Variants in KCNA3 observed in about 807,000 individuals in gnomAD.
KCNA3 encodes the protein potassium voltage-gated channel subfamily A member 3, also known as RP11-284N8.3.
In KCNA3, 18 loss-of-function variants were observed where a neutral mutation model predicts 34.3. The ratio of observed to expected loss-of-function variants is 0.52; its 90% confidence interval spans 0.36 to 0.78. KCNA3 has a LOEUF of 0.78. Ranked by LOEUF, KCNA3 falls within the 30% of genes least tolerant of loss-of-function variation. KCNA3 has a pLI of 0.00. For synonymous variants in KCNA3, 324 were observed against 351.7 expected (o/e 0.92, Z 0.88); for missense variants, 587 against 802.5 (o/e 0.73, Z 3.24).
the KCNA3 span, among the ~76,000 whole-genome samples, chr1:110,666,078 AG>A: frequency 1.3e-5 from 2 of 152,216 alleles, no homozygotes; most frequent in Non-Finnish European, 2.9e-5. Flanking sequence ...AGCTATGTCA[AG>A]ATAACATACT....
downstream of KCNA3, chr1:110,672,436 G>T (rs1195994558): frequency 6.6e-6 from 1 of 152,262 alleles, no homozygotes; most frequent in Non-Finnish European, 1.5e-5. Context: ...AAGCCCGAAA[G>T]AATTAAACTA....
At chr1:110,665,087 G>T in the KCNA3 span, among the ~76,000 whole-genome samples, 3 of 152,246 alleles carry the variant, frequency 2.0e-5, no homozygotes, top group African/African-American at 7.2e-5. Context: ...GGCCTTGCAG[G>T]CCATTGTAAA....
At chr1:110,665,514 A>T in the KCNA3 span, among the ~76,000 whole-genome samples, 1 of 151,944 alleles carries the variant, frequency 6.6e-6, no homozygotes, top group Non-Finnish European at 1.5e-5. Context: ...GAGAGGGGAG[A>T]AGGACGGAAG....
At chr1:110,657,714 C>T in the KCNA3 span, among the ~76,000 whole-genome samples, 1 of 152,122 alleles carries the variant, frequency 6.6e-6, no homozygotes, top group Non-Finnish European at 1.5e-5. Flanking sequence ...TTGTTTCATT[C>T]GTGTTTTATA....
chr1:110,664,285 A>G, the KCNA3 span, among the ~76,000 whole-genome samples: 1 of 152,212 alleles, frequency 6.6e-6, no homozygotes, highest in African/African-American at 2.4e-5. Flanking sequence ...ATGAAAAAAC[A>G]TGGTCTTTGT....
chr1:110,668,494 T>C (rs1651767447), downstream of KCNA3, among the ~76,000 whole-genome samples: 1 of 152,138 alleles, frequency 6.6e-6, no homozygotes, highest in Non-Finnish European at 1.5e-5. Context: ...GCCAAAAAGG[T>C]AAATAACAAG....
chr1:110,674,843 G>T lies in KCNA3; in HGVS notation c.-34C>A. On this transcript the variant is annotated 5_prime_UTR_variant, in exon 1 of 1. Transcript: ENST00000369769. The surrounding 1 kb of genome is among the most constrained non-coding windows in gnomAD (Gnocchi z 6.4). ...GAAGAGGCGGCAGCGGTGAGGCCAGGTCGCTCCTCCTCGCGCTCCCCGCCC... is the reference window on the plus strand; with the variant it reads ...GAAGAGGCGGCAGCGGTGAGGCCAGTTCGCTCCTCCTCGCGCTCCCCGCCC... 12 of 1,289,008 alleles carry T rather than the reference G, an allele frequency of 9.3e-6. No individual in the cohort carries two copies. Among genetic ancestry groups the T allele is most frequent in the Non-Finnish European group, 1.2e-5 (12 of 1,022,026 alleles). 79.8% of individuals were successfully genotyped at this position (1,289,008 alleles called of 1,614,324 possible).
chr1:110,673,996 C>A lies in KCNA3; in HGVS notation c.814G>T (p.Asp272Tyr). 1 of 1,613,468 alleles carries A rather than the reference C, an allele frequency of 6.2e-7. No individual in the cohort carries two copies. Among genetic ancestry groups the A allele is most frequent in the African/African-American group, 1.3e-5 (1 of 75,020 alleles). ...EKDYPASTSQ[D>Y]SFEAAGNSTS... is the part of the protein sequence containing the mutation. Reference sequence around the variant, plus strand: ...CTGTTGCCGGCTGCTTCGAATGAGTCCTGCGACGTCGAGGCGGGGTAGTCC... The same window carrying A: ...CTGTTGCCGGCTGCTTCGAATGAGTACTGCGACGTCGAGGCGGGGTAGTCC... The change falls in exon 1 of 1, where the codon GAC becomes TAC. Residue 272 changes from aspartate to tyrosine, a missense_variant. By Grantham distance (160) the Asp-to-Tyr change is radical. This residue lies in a region of KCNA3 where 50 missense variants were observed against 45.3 expected (regional missense o/e 1.10). Coordinates refer to ENST00000369769, the MANE Select transcript of KCNA3 (RefSeq NM_002232.5). The surrounding 1 kb of genome is among the most constrained non-coding windows in gnomAD (Gnocchi z 8.8).
In KCNA3 at chr1:110,674,885, C is replaced by CCCGAG; in HGVS notation, c.-81_-77dup. On this transcript the variant is annotated 5_prime_UTR_variant, in exon 1 of 1. Coordinates refer to ENST00000369769, the MANE Select transcript of KCNA3 (RefSeq NM_002232.5). This position sits in a 1 kb window ranked among gnomAD's most constrained non-coding sequence, Gnocchi z 6.4. Reference sequence around the variant, plus strand: ...TCCCCGCCCTTTCGCCGCCTCCGCCCCCGAGCCGAGCCCACCGCCTGTTGC... The same window carrying CCCGAG: ...TCCCCGCCCTTTCGCCGCCTCCGCCCCCGAGCCGAGCCGAGCCCACCGCCTGTTGC... The CCCGAG allele has an allele frequency of 1.6e-6, 2 of 1,270,686 alleles. No individual in the cohort carries two copies. Among genetic ancestry groups the CCCGAG allele is most frequent in the Admixed American group, 4.2e-5 (1 of 23,604 alleles). 78.7% of individuals were successfully genotyped at this position (1,270,686 alleles called of 1,614,324 possible). A position where few individuals can be genotyped will look rare whatever the true frequency, so the allele number is the denominator to read the frequency against.
At chr1:110,661,570 C>T in the KCNA3 span, among the ~76,000 whole-genome samples, 2 of 152,166 alleles carry the variant, frequency 1.3e-5, no homozygotes, top group African/African-American at 4.8e-5. Flanking sequence ...AGGTTCTGCT[C>T]AATGCTACTG....
At chr1:110,656,170 G>A in the KCNA3 span, 1 of 152,120 alleles carries the variant, frequency 6.6e-6, no homozygotes, top group Non-Finnish European at 1.5e-5. Context: ...ACTTGCTTCT[G>A]ATTTGTTACA....
At chr1:110,659,558 G>T in the KCNA3 span, among the ~76,000 whole-genome samples, 1 of 152,172 alleles carries the variant, frequency 6.6e-6, no homozygotes, top group African/African-American at 2.4e-5. Flanking sequence ...CAGCTCTACA[G>T]TTCTTTATAT....
the KCNA3 span, among the ~76,000 whole-genome samples, chr1:110,657,335 C>T: frequency 6.6e-6 from 1 of 152,174 alleles, no homozygotes; most frequent in Non-Finnish European, 1.5e-5. Flanking sequence ...GCATGAGCCA[C>T]CGCACCCGGC....
Position 110,672,474 on chromosome 1 carries a change from T to C in KCNA3, c.*608A>G, listed in dbSNP as rs1392648593. The C allele has an allele frequency of 6.6e-6, 1 of 151,132 alleles. No individual in the cohort carries two copies. The highest frequency in any genetic ancestry group is 2.0e-4 in the East Asian group (1 of 5,090). 9.4% of individuals were successfully genotyped at this position (151,132 alleles called of 1,614,324 possible). Reference sequence around the variant, plus strand: ...TAGTCAGATCAGGACATCTTGGGCATTTCCCTTTATTCAAAGTTGTAGAGA... The same window carrying C: ...TAGTCAGATCAGGACATCTTGGGCACTTCCCTTTATTCAAAGTTGTAGAGA... On this transcript the variant is annotated 3_prime_UTR_variant, in exon 1 of 1. Coordinates refer to ENST00000369769, the MANE Select transcript of KCNA3 (RefSeq NM_002232.5).
the KCNA3 span, among the ~76,000 whole-genome samples, chr1:110,662,426 C>T: frequency 0.67 from 101,797 of 151,970 alleles, 34,238 homozygotes; most frequent in African/African-American, 0.73. Context: ...CATCAACTTA[C>T]ATTTGATGAG....
At chr1:110,665,615 G>A in the KCNA3 span, among the ~76,000 whole-genome samples, 8 of 152,142 alleles carry the variant, frequency 5.3e-5, no homozygotes, top group Admixed American at 3.3e-4. Context: ...CAGGAGCTCA[G>A]GGGAGAGATC....
At chr1:110,663,716 C>T in the KCNA3 span, among the ~76,000 whole-genome samples, 30 of 152,150 alleles carry the variant, frequency 2.0e-4, no homozygotes, top group South Asian at 3.7e-3. Flanking sequence ...ATTTCAATAC[C>T]GCTAGGAATC....
chr1:110,661,860 C>T, the KCNA3 span, among the ~76,000 whole-genome samples: 1 of 152,060 alleles, frequency 6.6e-6, no homozygotes, highest in Non-Finnish European at 1.5e-5. Flanking sequence ...ATAATCCCAG[C>T]ACTTTTGGGA....
Position 110,674,556 on chromosome 1 carries a change from C to A in KCNA3, c.254G>T (p.Arg85Leu), listed in dbSNP as rs1283153913. 2 of 1,563,034 alleles carry A rather than the reference C, an allele frequency of 1.3e-6. No homozygotes were observed. Among genetic ancestry groups the A allele is most frequent in the Admixed American group, 1.9e-5 (1 of 52,498 alleles). Residue 85 changes from arginine (R) to leucine (L), a missense_variant, in exon 1 of 1, where the codon CGC becomes CTC. Physicochemically the swap from Arg to Leu is moderately radical, Grantham distance 102 (BLOSUM62 -2). Coordinates refer to ENST00000369769, the MANE Select transcript of KCNA3 (RefSeq NM_002232.5). The surrounding 1 kb of genome is among the most constrained non-coding windows in gnomAD (Gnocchi z 6.4). ...QGGCGGGGCD[R>L]YEPLPPSLPA... ...CAGTGAGGGCGGCAGCGGCTCGTAG[C>A]GGTCGCAGCCGCCGCCGCCACAGCC...
Sources: allele counts gnomAD v4.1 joint callset (sites outside exome capture counted in the v4.1 genomes callset), GRCh38; gene constraint gnomAD v4.1.1; regional missense constraint gnomAD v4.1.1; non-coding constraint Gnocchi (gnomAD v3.1); transcripts MANE v1.5; gene names NCBI Gene and HGNC (gene_info 2026-07-23, HGNC 2026-07-21).